The following PTPRK variants were observed in gnomAD, a reference collection of about 807,000 sequenced individuals.
PTPRK encodes the protein receptor-type tyrosine-protein phosphatase kappa.
In PTPRK, 75 loss-of-function variants were observed where a neutral mutation model predicts 178.0. The ratio of observed to expected loss-of-function variants is 0.42; its 90% CI spans 0.35 to 0.51. PTPRK has a LOEUF of 0.51. PTPRK is among the 20% of genes least tolerant of loss of function. The pLI is 0.02. For missense variants in PTPRK, 1,441 were observed against 1,797.8 expected (o/e 0.80, Z 3.59); for synonymous variants, 637 against 620.6 (o/e 1.03, Z -0.39).
At chr6:128,091,559 T>C (rs1296984133) in intron 7 of PTPRK, among the ~76,000 whole-genome samples, 1 of 152,184 alleles carries the variant, frequency 6.6e-6, no homozygotes, top group East Asian at 1.9e-4. Context: ...ATGGCAAGAT[T>C]CAGCCATATC....
At chr6:128,358,473 T>C (rs980453571) in intron 2 of PTPRK, among the ~76,000 whole-genome samples, 1 of 152,218 alleles carries the variant, frequency 6.6e-6, no homozygotes, top group Non-Finnish European at 1.5e-5. Flanking sequence ...GAAATTTTAA[T>C]AGATGAGGTC....
At chr6:128,001,530 T>C (rs1158256085) in intron 15 of PTPRK, among the ~76,000 whole-genome samples, 1 of 152,004 alleles carries the variant, frequency 6.6e-6, no homozygotes, top group East Asian at 1.9e-4. Context: ...ATAACTAGAC[T>C]TTATGACTCT....
chr6:128,327,275 C>G (rs916360767), intron 2 of PTPRK, among the ~76,000 whole-genome samples: 12 of 152,066 alleles, frequency 7.9e-5, no homozygotes, highest in Non-Finnish European at 1.5e-4. Context: ...TCCATACTTT[C>G]TTCTAAAACT....
At chr6:128,348,367 T>C (rs1035496091) in intron 2 of PTPRK, among the ~76,000 whole-genome samples, 1 of 151,990 alleles carries the variant, frequency 6.6e-6, no homozygotes, top group East Asian at 1.9e-4. Flanking sequence ...CCACCATCTC[T>C]AGTCCAATAA....
At chr6:128,370,769 C>T (rs1382265709) in intron 2 of PTPRK, among the ~76,000 whole-genome samples, 1 of 152,102 alleles carries the variant, frequency 6.6e-6, no homozygotes, top group Non-Finnish European at 1.5e-5. Context: ...TAGCTTATTA[C>T]TTCAAAGATT....
intron 11 of PTPRK, among the ~76,000 whole-genome samples, chr6:128,072,502 T>C (rs529670647): frequency 6.6e-6 from 1 of 152,044 alleles, no homozygotes; most frequent in Non-Finnish European, 1.5e-5. Flanking sequence ...TCTCATGTAT[T>C]ACATATCACT....
At chr6:128,299,944 A>C (rs1252943996) in intron 3 of PTPRK, among the ~76,000 whole-genome samples, 3 of 152,180 alleles carry the variant, frequency 2.0e-5, no homozygotes, top group South Asian at 2.1e-4. Context: ...CAACCTACAA[A>C]ATGGGAGAAA....
chr6:128,177,121 A>G (rs930237705), intron 7 of PTPRK, among the ~76,000 whole-genome samples: 1 of 151,772 alleles, frequency 6.6e-6, no homozygotes, highest in Non-Finnish European at 1.5e-5. Context: ...CCATCAAAGA[A>G]AAGTCTCAAA....
At chr6:128,116,928 C>T (rs1182278067) in intron 7 of PTPRK, among the ~76,000 whole-genome samples, 4 of 152,058 alleles carry the variant, frequency 2.6e-5, no homozygotes, top group Non-Finnish European at 5.9e-5. Context: ...GTGTGGATCA[C>T]GAGGTCAGGA....
chr6:128,394,638 ATT>A (rs1840043419), intron 2 of PTPRK, among the ~76,000 whole-genome samples: 1 of 152,068 alleles, frequency 6.6e-6, no homozygotes, highest in African/African-American at 2.4e-5. Context: ...TCTGCATGCT[ATT>A]TTTTATTCTA....
chr6:128,044,939 T>G (rs1205990096), intron 13 of PTPRK, among the ~76,000 whole-genome samples: 1 of 152,014 alleles, frequency 6.6e-6, no homozygotes, highest in Non-Finnish European at 1.5e-5. Context: ...TCATCTAGAA[T>G]CATGCCTGGT....
intron 1 of PTPRK, among the ~76,000 whole-genome samples, chr6:128,514,746 G>A (rs140743973): frequency 6.6e-6 from 1 of 152,100 alleles, no homozygotes; most frequent in African/African-American, 2.4e-5. Flanking sequence ...AGAGTTAAGT[G>A]GGGAAATGGC....
intron 3 of PTPRK, among the ~76,000 whole-genome samples, chr6:128,297,685 A>C (rs1824731445): frequency 6.6e-6 from 1 of 152,238 alleles, no homozygotes; most frequent in African/African-American, 2.4e-5. Flanking sequence ...AATGAGAACA[A>C]AGACACAGCA....
chr6:128,314,079 A>G (rs1827647441), intron 3 of PTPRK, among the ~76,000 whole-genome samples: 1 of 152,080 alleles, frequency 6.6e-6, no homozygotes, highest in Non-Finnish European at 1.5e-5. Flanking sequence ...TTCTGTCTCT[A>G]AGGTATTTCC....
At position 128,498,380 on chromosome 6, in the gene PTPRK, C is replaced by T. The variant is rs141620743; in HGVS notation, c.100+21879G>A. ...TACTGGCTTTTCTTGCCCACTTAAA[C>T]GAACCAGCTCCCTCCAACCCATGGG... On this transcript the variant is annotated intron_variant, in intron 1 of 29. Transcript: ENST00000368226. Among the ~76,000 whole-genome samples the T allele has an allele frequency of 2.9e-3, 444 of 152,292 alleles. 2 individuals are homozygous for T. Among genetic ancestry groups the T allele is most frequent in the Non-Finnish European group, 4.8e-3 (325 of 68,020 alleles).
intron 7 of PTPRK, among the ~76,000 whole-genome samples, chr6:128,182,744 CTT>C (rs1353351116): frequency 6.6e-6 from 1 of 152,120 alleles, no homozygotes; most frequent in Non-Finnish European, 1.5e-5. Flanking sequence ...TTTTTATCCA[CTT>C]AACACAGTAT....
chr6:128,154,008 A>C (rs970036519), intron 7 of PTPRK, among the ~76,000 whole-genome samples: 1 of 151,858 alleles, frequency 6.6e-6, no homozygotes, highest in Admixed American at 6.6e-5. Context: ...GGAATTCAGA[A>C]GCATGTATTC....
chr6:128,158,085 C>T (rs1376578351), intron 7 of PTPRK, among the ~76,000 whole-genome samples: 2 of 151,932 alleles, frequency 1.3e-5, no homozygotes, highest in Non-Finnish European at 2.9e-5. Flanking sequence ...ACATTTAAGT[C>T]TTTAATCCAT....
Position 128,151,239 on chromosome 6 carries a change from G to T in PTPRK, c.1162+33193C>A, listed in dbSNP as rs554364589. On this transcript the variant is annotated intron_variant, in intron 7 of 29. Coordinates refer to ENST00000368226, the MANE Select transcript of PTPRK (RefSeq NM_002844.4). ...TTTTATGGATTTCAGCTTTCCTTTT[G>T]TCCATTAGTAATGTACTTGGAACTA... 3.9e-4 allele frequency among the ~76,000 whole-genome samples: 60 copies of T among 151,932 alleles called. 1 individual carries two copies. Among genetic ancestry groups the T allele is most frequent in the African/African-American group, 1.4e-3 (58 of 41,474 alleles).
Sources: allele counts gnomAD v4.1 joint callset (sites outside exome capture counted in the v4.1 genomes callset), GRCh38; gene constraint gnomAD v4.1.1; transcripts MANE v1.5; gene names NCBI Gene and HGNC (gene_info 2026-07-23, HGNC 2026-07-21).